XCR1: variants seen among roughly 807,000 people sequenced by gnomAD.
The protein encoded by XCR1 is X-C motif chemokine receptor 1.
For missense variants in XCR1, 356 were observed against 424.2 expected (o/e 0.84, Z 1.41); for synonymous variants, 187 against 188.5 (o/e 0.99, Z 0.06).
In XCR1 at chr3:46,021,599, T is replaced by C; in HGVS notation, c.349A>G (p.Ile117Val). ...MIFSISLYSS[I>V]FFLTIMTIHR... ...ATGGTCATGATGGTCAGGAAGAAGA[T>C]GCTGCTGTAGAGGCTGATGGAGAAG... The change falls in exon 2 of 2, where the codon ATC becomes GTC. Residue 117 changes from isoleucine (I) to valine (V), a missense_variant. Ile to Val is a conservative substitution (Grantham distance 29). Transcript: ENST00000309285. The surrounding 1 kb of genome is among the most constrained non-coding windows in gnomAD (Gnocchi z 4.7). The C allele has an allele frequency of 6.2e-7, 1 of 1,612,818 alleles. No individual in the cohort carries two copies. The highest frequency in any genetic ancestry group is 8.5e-7 in the Non-Finnish European group (1 of 1,179,384).
In XCR1 at chr3:46,038,662, C is replaced by A. The variant is rs183468197; in HGVS notation, c.-32+15258G>T. On this transcript the variant is annotated intron_variant, in intron 5 of 5. Coordinates refer to the XCR1 transcript ENST00000683768. ...TTTAACATTTGATTGGTTTTGCTTACCCCTGATGATCTTGAGAACTATGAG... is the reference window on the plus strand; with the variant it reads ...TTTAACATTTGATTGGTTTTGCTTAACCCTGATGATCTTGAGAACTATGAG... Among the ~76,000 whole-genome samples the A allele has an allele frequency of 5.3e-5, 8 of 152,222 alleles. No homozygotes were observed. The East Asian group carries it at 1.5e-3, about 29-fold the overall frequency.
chr3:46,085,034 C>T (rs1559498662), intron 1 of XCR1, among the ~76,000 whole-genome samples: 1 of 152,056 alleles, frequency 6.6e-6, no homozygotes, highest in African/African-American at 2.4e-5. Context: ...GTGTCCTGGG[C>T]AGCTGGCCTC....
intron 5 of XCR1, among the ~76,000 whole-genome samples, chr3:46,046,095 T>G (rs1387279505): frequency 6.6e-6 from 1 of 152,204 alleles, no homozygotes; most frequent in Non-Finnish European, 1.5e-5. Context: ...GGCCATTATC[T>G]TAAGTGAAAC....
At chr3:46,050,698 CG>C (rs1449077962) in intron 5 of XCR1, among the ~76,000 whole-genome samples, 2 of 152,072 alleles carry the variant, frequency 1.3e-5, no homozygotes, top group East Asian at 3.9e-4. Context: ...TAGTGAGACA[CG>C]TTCTCTTTGA....
intron 1 of XCR1, among the ~76,000 whole-genome samples, chr3:46,026,586 C>CTTT (rs113662841): frequency 7.0e-6 from 1 of 142,872 alleles, no homozygotes. Flanking sequence ...TCTTCTTCTT[C>CTTT]TTTTTTTTTT....
chr3:46,072,316 C>A (rs1470820277), intron 3 of XCR1, among the ~76,000 whole-genome samples: 1 of 151,816 alleles, frequency 6.6e-6, no homozygotes, highest in Admixed American at 6.6e-5. Flanking sequence ...CCCAGCAGTT[C>A]GAGACCAGCC....
chr3:46,085,527 C>CA (rs1366671278), intron 1 of XCR1, among the ~76,000 whole-genome samples: 3 of 152,234 alleles, frequency 2.0e-5, no homozygotes, highest in African/African-American at 7.2e-5. Flanking sequence ...TGCCCCTCCC[C>CA]TTCACAGCAA....
At chr3:46,054,947 A>T (rs1283026927) in intron 4 of XCR1, among the ~76,000 whole-genome samples, 1 of 152,178 alleles carries the variant, frequency 6.6e-6, no homozygotes, top group Non-Finnish European at 1.5e-5. Context: ...ATCAGGAAAA[A>T]CTGACCTAAG....
At chr3:46,033,809 C>T (rs113195285) in intron 5 of XCR1, among the ~76,000 whole-genome samples, 3,462 of 152,140 alleles carry the variant, frequency 0.023, 60 homozygotes, top group Middle Eastern at 0.082. Flanking sequence ...GAATATTGCT[C>T]CATTCATTTA....
At chr3:46,029,343 A>C (rs972119232), upstream of XCR1, among the ~76,000 whole-genome samples, 4 of 152,144 alleles carry the variant, frequency 2.6e-5, no homozygotes, top group Admixed American at 6.5e-5. Flanking sequence ...AGCTGGGACT[A>C]CAGGTGCACA....
intron 5 of XCR1, among the ~76,000 whole-genome samples, chr3:46,038,233 G>A (rs990459692): frequency 2.6e-5 from 4 of 151,962 alleles, no homozygotes; most frequent in Admixed American, 2.6e-4. Flanking sequence ...GGCCAGGCTT[G>A]TCTGGAATTC....
At chr3:46,085,211 TA>T (rs11294019) in intron 1 of XCR1, among the ~76,000 whole-genome samples, 62,286 of 137,202 alleles carry the variant, frequency 0.45, 13,705 homozygotes, top group East Asian at 0.67. Flanking sequence ...CATATATTAT[TA>T]AAAAAAAAAA....
chr3:46,048,982 A>G (rs1311067110), intron 5 of XCR1, among the ~76,000 whole-genome samples: 4 of 152,196 alleles, frequency 2.6e-5, no homozygotes, highest in Admixed American at 6.5e-5. Context: ...AATTTTTAAA[A>G]GCGTGACTAG....
In XCR1 at chr3:46,081,840, C is replaced by A. The variant is rs982068647; in HGVS notation, c.-515+3954G>T. Among the ~76,000 whole-genome samples, 12 of 152,110 alleles carry A rather than the reference C, an allele frequency of 7.9e-5. No individual in the cohort carries two copies. The East Asian group carries it at 2.3e-3, about 29-fold the overall frequency. ...TAGTACCCAATAGTTAGTTTTTCAGCACTTGCCTCCCTGCCTTCCTTTCCC... is the reference window on the plus strand; with the variant it reads ...TAGTACCCAATAGTTAGTTTTTCAGAACTTGCCTCCCTGCCTTCCTTTCCC... On this transcript the variant is annotated intron_variant, in intron 1 of 5. Transcript: ENST00000683768.
At chr3:46,074,023 C>T (rs1399576515) in intron 3 of XCR1, among the ~76,000 whole-genome samples, 1 of 151,864 alleles carries the variant, frequency 6.6e-6, no homozygotes, top group African/African-American at 2.4e-5. Context: ...GGAGATTTCT[C>T]AAAGAACTAA....
upstream of XCR1, among the ~76,000 whole-genome samples, chr3:46,032,459 C>T (rs116743314): frequency 6.6e-6 from 1 of 152,364 alleles, no homozygotes; most frequent in African/African-American, 2.4e-5. Flanking sequence ...CTGGACCCCA[C>T]ACTTGCTCAC....
At position 46,023,234 on chromosome 3, in the gene XCR1, C is replaced by A. The variant is rs538014577; in HGVS notation, c.-31-1256G>T. ...GAGAGGACGCGGCTGCGTCGCGCTCCCCTGCGATCCCCTCCATGTTCCCTG... is the reference window on the plus strand; with the variant it reads ...GAGAGGACGCGGCTGCGTCGCGCTCACCTGCGATCCCCTCCATGTTCCCTG... On this transcript the variant is annotated intron_variant, in intron 1 of 1. Coordinates refer to ENST00000309285, the MANE Select transcript of XCR1 (RefSeq NM_001024644.2). 3.4e-5 allele frequency: 20 copies of A among 583,232 alleles called. 2 individuals are homozygous for A. In the South Asian group the frequency reaches 4.3e-4, roughly 13 times the overall value. 36.1% of individuals were successfully genotyped at this position (583,232 alleles called of 1,614,324 possible). A position where few individuals can be genotyped will look rare whatever the true frequency, so the allele number is the denominator to read the frequency against.
Position 46,020,733 on chromosome 3 carries a change from C to T in XCR1, c.*213G>A. On this transcript the variant is annotated 3_prime_UTR_variant, in exon 2 of 2. Transcript: ENST00000309285. Reference sequence around the variant, plus strand: ...GTTCAAGAAATGTTTTTTTGGATGGCAGTATAAAATTCCCAGGTAGGAAGC... The same window carrying T: ...GTTCAAGAAATGTTTTTTTGGATGGTAGTATAAAATTCCCAGGTAGGAAGC... 1.6e-6 allele frequency: 1 copy of T among 606,920 alleles called. No homozygotes were observed. 37.6% of individuals were successfully genotyped at this position (606,920 alleles called of 1,614,324 possible). A position where few individuals can be genotyped will look rare whatever the true frequency, so the allele number is the denominator to read the frequency against.
chr3:46,082,937 C>A (rs1698402908), intron 1 of XCR1, among the ~76,000 whole-genome samples: 1 of 152,314 alleles, frequency 6.6e-6, no homozygotes, highest in South Asian at 2.1e-4. Flanking sequence ...CTTTTGACCA[C>A]AATGACCCAC....
Sources: gnomAD v4.1 joint callset for allele counts (sites outside exome capture counted in the v4.1 genomes callset) on GRCh38, gnomAD v4.1.1 for gene constraint, Gnocchi (gnomAD v3.1) non-coding constraint, MANE v1.5 for transcripts, NCBI Gene and HGNC (gene_info 2026-07-23, HGNC 2026-07-21) for gene names.